RFX3: variants seen among roughly 807,000 people sequenced by gnomAD.
RFX3 encodes regulatory factor X3.
In RFX3, 14 loss-of-function variants were observed where a neutral mutation model predicts 98.6. The ratio of observed to expected loss-of-function variants is 0.14; its 90% CI spans 0.09 to 0.22. RFX3 has a LOEUF of 0.22. Among genes scored for constraint, RFX3 ranks in the 10% least tolerant of loss-of-function variants. The probability of loss-of-function intolerance (pLI) is 1.00; values close to 1 mark genes in which losing one functional copy is unlikely to be tolerated. For missense variants in RFX3, 639 were observed against 926.9 expected (o/e 0.69, Z 4.03); for synonymous variants, 383 against 328.4 (o/e 1.17, Z -1.80).
At chr9:3,329,052 T>C (rs546607213) in intron 4 of RFX3, among the ~76,000 whole-genome samples, 4 of 152,316 alleles carry the variant, frequency 2.6e-5, no homozygotes, top group Admixed American at 1.3e-4. Context: ...AGTTTGATGA[T>C]ATCAAATTCT....
intron 1 of RFX3, among the ~76,000 whole-genome samples, chr9:3,465,131 G>C (rs1376282924): frequency 1.3e-5 from 2 of 152,040 alleles, no homozygotes; most frequent in East Asian, 3.9e-4. Context: ...TTCCAGAGGG[G>C]AACCTTCCCC....
At chr9:3,456,771 CAT>C (rs888110113) in intron 1 of RFX3, among the ~76,000 whole-genome samples, 10 of 152,292 alleles carry the variant, frequency 6.6e-5, no homozygotes, top group African/African-American at 1.7e-4. Context: ...ACATGTTTCA[CAT>C]GAGACACTCC....
At chr9:3,470,038 C>T (rs954079279) in intron 1 of RFX3, among the ~76,000 whole-genome samples, 1 of 151,994 alleles carries the variant, frequency 6.6e-6, no homozygotes, top group Non-Finnish European at 1.5e-5. Flanking sequence ...AGGTCAAGAA[C>T]CATTAGTATA....
At position 3,288,333 on chromosome 9, in the gene RFX3, C is replaced by T. The variant is rs183441027; in HGVS notation, c.732-83G>A. The T allele has an allele frequency of 2.7e-4, 353 of 1,319,860 alleles. 2 individuals carry two copies. In the African/African-American group the frequency reaches 4.3e-3, roughly 16 times the overall value. The allele number at this position is 1,319,860 out of a possible 1,614,324, so 81.8% of individuals were successfully genotyped here. On this transcript the variant is annotated intron_variant, in intron 6 of 16. Coordinates refer to ENST00000617270, the MANE Select transcript of RFX3 (RefSeq NM_001282116.2). ...CATGGGATGTCCATTAAACTTCACA[C>T]TTGGAAAAATTTGGTAAAAACAGTA...
At chr9:3,258,674 A>C (rs754414608) in intron 13 of RFX3, among the ~76,000 whole-genome samples, 36 of 152,188 alleles carry the variant, frequency 2.4e-4, no homozygotes, top group Middle Eastern at 6.8e-3. Flanking sequence ...AACTGTGAAT[A>C]CAAATAAGCA....
chr9:3,276,743 T>C (rs1358454294), intron 8 of RFX3, among the ~76,000 whole-genome samples: 1 of 152,034 alleles, frequency 6.6e-6, no homozygotes, highest in East Asian at 1.9e-4. Flanking sequence ...ATGGAAAATA[T>C]GCATGTTCAT....
At position 3,332,200 on chromosome 9, in the gene RFX3, GACC is replaced by G. The variant is rs1832679157; in HGVS notation, c.216-1686_216-1684del. Among the ~76,000 whole-genome samples, 4 of 152,138 alleles carry G rather than the reference GACC, an allele frequency of 2.6e-5. No homozygotes were observed. In the South Asian group the frequency reaches 8.3e-4, roughly 32 times the overall value. Reference sequence around the variant, plus strand: ...AGAATACCTTATCAACAATGCTTGGGACCACAAGTGTTTTGGATTTTGGATTTT... The same window carrying G: ...AGAATACCTTATCAACAATGCTTGGGACAAGTGTTTTGGATTTTGGATTTT... On this transcript the variant is annotated intron_variant, in intron 3 of 16. Coordinates refer to ENST00000617270, the MANE Select transcript of RFX3 (RefSeq NM_001282116.2).
intron 1 of RFX3, among the ~76,000 whole-genome samples, chr9:3,517,227 T>A (rs546047444): frequency 6.6e-6 from 1 of 152,316 alleles, no homozygotes; most frequent in East Asian, 1.9e-4. Context: ...TGTTTCATGT[T>A]ACAGATGGAG....
intron 2 of RFX3, chr9:3,394,720 T>C (rs1587491036): frequency 1.7e-6 from 1 of 584,064 alleles, no homozygotes; most frequent in Middle Eastern, 8.7e-4. Context: ...TAAGAAATTA[T>C]AGGCAAATCT....
At chr9:3,229,148 AC>A (rs1818154096) in intron 15 of RFX3, among the ~76,000 whole-genome samples, 1 of 152,202 alleles carries the variant, frequency 6.6e-6, no homozygotes, top group East Asian at 1.9e-4. Context: ...GCTCCATTTT[AC>A]CTTTTATTAT....
intron 1 of RFX3, among the ~76,000 whole-genome samples, chr9:3,410,044 T>C (rs1842320235): frequency 6.6e-6 from 1 of 152,086 alleles, no homozygotes; most frequent in Non-Finnish European, 1.5e-5. Flanking sequence ...GAAATACTCA[T>C]ATAACATGGA....
chr9:3,346,568 G>A (rs1051649783), intron 3 of RFX3, 99 bp downstream of exon 3: 2 of 764,226 alleles, frequency 2.6e-6, no homozygotes, highest in Admixed American at 2.0e-5. Context: ...AAATTACTTT[G>A]AAAACAAGGA....
chr9:3,490,180 G>T, intron 1 of RFX3: 1 of 298,310 alleles, frequency 3.4e-6, no homozygotes, highest in Non-Finnish European at 4.9e-6. Context: ...AATTACTATT[G>T]AAAAAATTCA....
chr9:3,399,617 C>T (rs1368211527), intron 1 of RFX3, among the ~76,000 whole-genome samples: 1 of 151,952 alleles, frequency 6.6e-6, no homozygotes, highest in African/African-American at 2.4e-5. Flanking sequence ...TGAGGGTAAT[C>T]AGAAATCTAT....
chr9:3,282,974 T>C (rs182888887), intron 7 of RFX3, among the ~76,000 whole-genome samples: 257 of 151,936 alleles, frequency 1.7e-3, no homozygotes, highest in Middle Eastern at 0.01. Context: ...CCACAAATAC[T>C]ACTCAGGAGC....
intron 4 of RFX3, 80 bp downstream of exon 4, chr9:3,330,179 T>C (rs2130881425): frequency 6.9e-7 from 1 of 1,444,644 alleles, no homozygotes; most frequent in Admixed American, 1.9e-5. Flanking sequence ...ATCTGTGTTG[T>C]TCTTTTCCCT....
intron 1 of RFX3, among the ~76,000 whole-genome samples, chr9:3,449,937 T>A (rs868204192): frequency 8.8e-5 from 13 of 147,870 alleles, no homozygotes; most frequent in African/African-American, 3.0e-4. Flanking sequence ...TTAGGACAAA[T>A]AGTGATCATC....
At chr9:3,320,336 T>C (rs1831119094) in intron 4 of RFX3, among the ~76,000 whole-genome samples, 1 of 152,042 alleles carries the variant, frequency 6.6e-6, no homozygotes, top group Non-Finnish European at 1.5e-5. Context: ...GCGGATCACT[T>C]GAGGCCAGGA....
chr9:3,335,126 A>G (rs980666027), intron 3 of RFX3, among the ~76,000 whole-genome samples: 7 of 151,862 alleles, frequency 4.6e-5, no homozygotes, highest in African/African-American at 1.7e-4. Context: ...CTCAAAAAAT[A>G]ATAATAATAA....
Sources: allele counts gnomAD v4.1 joint callset (sites outside exome capture counted in the v4.1 genomes callset), GRCh38; gene constraint gnomAD v4.1.1; transcripts MANE v1.5; gene names NCBI Gene and HGNC (gene_info 2026-07-23, HGNC 2026-07-21).